TEX9: variants seen among roughly 807,000 people sequenced by gnomAD.
TEX9 encodes testis-expressed protein 9.
Under a neutral mutation model 59.6 loss-of-function variants are expected in TEX9, and 74 were observed. That is an observed-to-expected ratio of 1.24 (90% CI 1.03 to 1.51). TEX9 has a LOEUF of 1.51. Among genes scored for constraint, TEX9 ranks in the 40% most tolerant of loss-of-function variants. The pLI is 0.00. For synonymous variants in TEX9, 186 were observed against 152.2 expected, an observed-to-expected ratio of 1.22 and a Z score of -1.64; for missense variants, 522 against 447.8, an observed-to-expected ratio of 1.17 and a Z score of -1.49.
In TEX9 at chr15:56,281,981, G is replaced by A. The variant is rs149634882; in HGVS notation, c.-107+37703G>A. ...TAACTTTCTCATTTCTACCCTGAGCGGAGAATACCTACCCCTTAAATGTTG... is the reference window on the plus strand; with the variant it reads ...TAACTTTCTCATTTCTACCCTGAGCAGAGAATACCTACCCCTTAAATGTTG... On this transcript the variant is annotated intron_variant, in intron 1 of 5. Transcript: ENST00000560827. Among the ~76,000 whole-genome samples, 317 of 152,198 alleles carry A rather than the reference G, an allele frequency of 2.1e-3. 5 individuals are homozygous for A. In the East Asian group the frequency reaches 0.046, roughly 22 times the overall value.
chr15:56,257,021 A>G (rs866422024), intron 1 of TEX9, among the ~76,000 whole-genome samples: 32 of 152,066 alleles, frequency 2.1e-4, no homozygotes, highest in Admixed American at 8.5e-4. Flanking sequence ...TCCCACTTAT[A>G]AGTGAGAACA....
At chr15:56,316,565 G>C (rs1332673198) in intron 1 of TEX9, among the ~76,000 whole-genome samples, 1 of 151,476 alleles carries the variant, frequency 6.6e-6, no homozygotes, top group Non-Finnish European at 1.5e-5. Flanking sequence ...CTGTCAGACA[G>C]GGACATTTAA....
chr15:56,300,652 G>A (rs2045323381), intron 1 of TEX9, among the ~76,000 whole-genome samples: 1 of 148,882 alleles, frequency 6.7e-6, no homozygotes, highest in South Asian at 2.1e-4. Flanking sequence ...AGGGGTGCTT[G>A]TGTCATTTCT....
chr15:56,365,602 G>T (rs1292550353), exon 2 of TEX9: 3 of 1,614,052 alleles, frequency 1.9e-6, no homozygotes, highest in Non-Finnish European at 2.5e-6. Flanking sequence ...CAGGGACTCC[G>T]TTCCCGCCAC....
intron 9 of TEX9, chr15:56,409,888 G>T (rs1275553387): frequency 2.6e-5 from 4 of 152,242 alleles, no homozygotes; most frequent in African/African-American, 7.2e-5. Flanking sequence ...TTCCCTCATT[G>T]TTCTGTCCCT....
rs1268265882 is a variant in TEX9 at position 56,427,667 on chromosome 15, AAAAC to A, written c.1030_1033del (p.Gln344LysfsTer4). 6.4e-7 allele frequency: 1 copy of A among 1,551,148 alleles called. No individual in the cohort carries two copies. The highest frequency in any genetic ancestry group is 1.4e-5 in the African/African-American group (1 of 71,656). On this transcript the variant is annotated frameshift_variant, in exon 11 of 13. Transcript: ENST00000352903. LOFTEE classifies it high-confidence loss of function. ...TAAAATCAGAAAACAAGAAGCTAGAAAAACAAAAAGGAGAATTAATGATAGGGTT... is the reference window on the plus strand; with the variant it reads ...TAAAATCAGAAAACAAGAAGCTAGAAAAAAAGGAGAATTAATGATAGGGTT...
intron 3 of TEX9, among the ~76,000 whole-genome samples, chr15:56,379,937 T>C (rs1400881954): frequency 1.3e-5 from 2 of 152,042 alleles, no homozygotes; most frequent in African/African-American, 4.8e-5. Context: ...AAGTAAAGTA[T>C]GTTTCTTGTA....
At chr15:56,267,086 G>C (rs1293440372) in intron 1 of TEX9, among the ~76,000 whole-genome samples, 1 of 152,148 alleles carries the variant, frequency 6.6e-6, no homozygotes, top group Non-Finnish European at 1.5e-5. Context: ...GTGATGATGA[G>C]GATTTTTTCA....
intron 1 of TEX9, among the ~76,000 whole-genome samples, chr15:56,321,784 C>A (rs2045909935): frequency 6.6e-6 from 1 of 152,094 alleles, no homozygotes; most frequent in South Asian, 2.1e-4. Context: ...ATTTTGCTAT[C>A]CTCAAGTACT....
At chr15:56,437,938 G>A (rs1400011313) in intron 12 of TEX9, among the ~76,000 whole-genome samples, 1 of 152,002 alleles carries the variant, frequency 6.6e-6, no homozygotes, top group Non-Finnish European at 1.5e-5. Context: ...AAGGAGAACT[G>A]CAAACCACTG....
At chr15:56,334,687 A>C (rs1202778464) in intron 1 of TEX9, among the ~76,000 whole-genome samples, 1 of 152,166 alleles carries the variant, frequency 6.6e-6, no homozygotes, top group African/African-American at 2.4e-5. Context: ...CTACACAACA[A>C]AGGAAACAAT....
chr15:56,350,026 CCTGTG>C (rs1292323339), intron 1 of TEX9, among the ~76,000 whole-genome samples: 1 of 152,022 alleles, frequency 6.6e-6, no homozygotes, highest in Non-Finnish European at 1.5e-5. Context: ...CTGTCCCTCC[CCTGTG>C]CTGTCATAGG....
intron 1 of TEX9, among the ~76,000 whole-genome samples, chr15:56,331,349 C>T (rs4774238): frequency 0.29 from 44,708 of 152,056 alleles, 7,603 homozygotes; most frequent in Middle Eastern, 0.47. Flanking sequence ...CTGCAGAATA[C>T]GCATTCTTCT....
chr15:56,425,659 T>C (rs557246919), intron 10 of TEX9, among the ~76,000 whole-genome samples: 1 of 152,274 alleles, frequency 6.6e-6, no homozygotes, highest in Non-Finnish European at 1.5e-5. Flanking sequence ...ATGGAGCATA[T>C]TTATGGCAGT....
At chr15:56,420,601 C>T (rs1344737117) in intron 10 of TEX9, among the ~76,000 whole-genome samples, 5 of 151,872 alleles carry the variant, frequency 3.3e-5, no homozygotes, top group African/African-American at 1.2e-4. Context: ...AGCCATCACG[C>T]CTGGCCTCTT....
At chr15:56,365,512 G>A (rs758536785) in intron 1 of TEX9, 35 bp downstream of exon 1, 3 of 1,614,072 alleles carry the variant, frequency 1.9e-6, no homozygotes, top group South Asian at 1.1e-5. Context: ...GGAGCGTCTG[G>A]GTTCCGGCGA....
At chr15:56,436,572 C>A (rs1045800600) in intron 12 of TEX9, among the ~76,000 whole-genome samples, 6 of 152,044 alleles carry the variant, frequency 3.9e-5, no homozygotes, top group African/African-American at 1.4e-4. Context: ...CAAACACATT[C>A]AAAAGCTAGC....
At chr15:56,405,000 G>A (rs1159802283) in intron 9 of TEX9, among the ~76,000 whole-genome samples, 1 of 152,108 alleles carries the variant, frequency 6.6e-6, no homozygotes, top group Non-Finnish European at 1.5e-5. Context: ...GAGCTGGCAG[G>A]GGGATTGCAT....
intron 1 of TEX9, among the ~76,000 whole-genome samples, chr15:56,356,806 C>G (rs1033303579): frequency 6.6e-6 from 1 of 152,086 alleles, no homozygotes; most frequent in Non-Finnish European, 1.5e-5. Context: ...TGGTCTGGCT[C>G]TATAATTAAA....
Sources: gnomAD v4.1 joint callset for allele counts (sites outside exome capture counted in the v4.1 genomes callset) on GRCh38, gnomAD v4.1.1 for gene constraint, MANE v1.5 for transcripts, NCBI Gene and HGNC (gene_info 2026-07-23, HGNC 2026-07-21) for gene names.